The following RANBP2 variants were observed in gnomAD, a reference collection of about 807,000 sequenced individuals.
The protein encoded by RANBP2 is E3 SUMO-protein ligase RanBP2.
RANBP2 carries 57 observed loss-of-function variants against 303.6 expected under a neutral mutation model. The observed-to-expected ratio is 0.19, with a 90% confidence interval of 0.15 to 0.23. The LOEUF is 0.23. RANBP2 is among the 10% of genes least tolerant of loss of function. The pLI is 1.00. For synonymous variants in RANBP2, 1,167 were observed against 1,301.5 expected (o/e 0.90, Z 2.23); for missense variants, 3,138 against 3,780.8 (o/e 0.83, Z 4.46).
the RANBP2 span, among the ~76,000 whole-genome samples, chr2:108,921,712 G>C: frequency 1.3e-5 from 2 of 152,214 alleles, no homozygotes; most frequent in Non-Finnish European, 2.9e-5. Context: ...AGGCCCAGGG[G>C]TGGAGGGCAT....
the RANBP2 span, chr2:108,812,600 A>G: frequency 1.9e-6 from 3 of 1,540,000 alleles, no homozygotes; most frequent in Non-Finnish European, 2.7e-6. Context: ...GAAGGTGTAT[A>G]TTGAAATATC....
chr2:108,743,630 G>A (rs1696289761), intron 7 of RANBP2, among the ~76,000 whole-genome samples: 2 of 152,124 alleles, frequency 1.3e-5, no homozygotes, highest in African/African-American at 2.4e-5. Flanking sequence ...ATTCACTCAG[G>A]TCTCCTTTCC....
chr2:109,647,294 T>A, the RANBP2 span, among the ~76,000 whole-genome samples: 1 of 149,720 alleles, frequency 6.7e-6, no homozygotes, highest in Non-Finnish European at 1.5e-5. Context: ...CTCCTAAATA[T>A]CTGGGACTAC....
At chr2:109,545,653 C>A in the RANBP2 span, 1 of 1,494,504 alleles carries the variant, frequency 6.7e-7, no homozygotes, top group Non-Finnish European at 8.9e-7. Context: ...AATTCCCCAA[C>A]AAAGGGCACA....
At chr2:108,719,895 C>T (rs935036613) in intron 1 of RANBP2, among the ~76,000 whole-genome samples, 1 of 152,198 alleles carries the variant, frequency 6.6e-6, no homozygotes, top group Middle Eastern at 3.2e-3. Flanking sequence ...CCGGCGCTTC[C>T]TCTTTCTCCC....
At chr2:109,075,047 A>G in the RANBP2 span, among the ~76,000 whole-genome samples, 17 of 121,672 alleles carry the variant, frequency 1.4e-4, no homozygotes, top group Non-Finnish European at 2.4e-4. Flanking sequence ...AAAAAAAAAA[A>G]AAGAAGAAGA....
chr2:109,082,283 T>TTTTTA, the RANBP2 span, among the ~76,000 whole-genome samples: 38 of 152,198 alleles, frequency 2.5e-4, no homozygotes, highest in African/African-American at 5.5e-4. Flanking sequence ...TAGCACCCCT[T>TTTTTA]TTTTATTTTA....
chr2:109,561,197 C>G, the RANBP2 span, among the ~76,000 whole-genome samples: 1 of 152,138 alleles, frequency 6.6e-6, no homozygotes. Flanking sequence ...AACTGATCTT[C>G]TTCCGGAGTC....
the RANBP2 span, among the ~76,000 whole-genome samples, chr2:109,430,813 T>A: frequency 1.3e-5 from 2 of 152,222 alleles, no homozygotes; most frequent in South Asian, 4.1e-4. Flanking sequence ...CCAGAGTTGG[T>A]CCTAATTTCA....
intron 24 of RANBP2, among the ~76,000 whole-genome samples, 179 bp from the exon 25 acceptor site, chr2:108,776,951 G>A (rs1236619518): frequency 6.6e-6 from 1 of 152,120 alleles, no homozygotes; most frequent in African/African-American, 2.4e-5. Context: ...AATAGCACCT[G>A]TAAAATTAGT....
chr2:109,409,949 G>A, the RANBP2 span, among the ~76,000 whole-genome samples: 1 of 152,148 alleles, frequency 6.6e-6, no homozygotes, highest in Non-Finnish European at 1.5e-5. Flanking sequence ...TAAATGAGGA[G>A]ATGTTTCTTC....
the RANBP2 span, among the ~76,000 whole-genome samples, chr2:109,303,576 G>A: frequency 1.3e-5 from 2 of 152,238 alleles, no homozygotes; most frequent in Non-Finnish European, 2.9e-5. Flanking sequence ...ACCCGATGAT[G>A]CCCAAGGGAC....
the RANBP2 span, among the ~76,000 whole-genome samples, chr2:109,220,977 A>G: frequency 6.6e-6 from 1 of 152,260 alleles, no homozygotes; most frequent in Non-Finnish European, 1.5e-5. Context: ...ACCAATGTTC[A>G]TAATTGCATT....
chr2:109,063,557 G>A, the RANBP2 span, among the ~76,000 whole-genome samples: 6 of 152,258 alleles, frequency 3.9e-5, no homozygotes, highest in South Asian at 4.1e-4. Flanking sequence ...ACAGGGAACC[G>A]TCCCGGGGTT....
chr2:109,614,384 C>T, the RANBP2 span: 2 of 912,074 alleles, frequency 2.2e-6, no homozygotes, highest in Non-Finnish European at 1.4e-6. Context: ...GCTGGCAGCC[C>T]GCTGAGCCCG....
At chr2:108,729,628 C>CT in intron 2 of RANBP2, among the ~76,000 whole-genome samples, 1 of 151,850 alleles carries the variant, frequency 6.6e-6, no homozygotes, top group East Asian at 1.9e-4. Context: ...ATGTGATGCT[C>CT]TAAGGCTCTA....
chr2:109,046,170 G>A, the RANBP2 span, among the ~76,000 whole-genome samples: 1 of 151,692 alleles, frequency 6.6e-6, no homozygotes, highest in Non-Finnish European at 1.5e-5. Flanking sequence ...CGGGTGTGGT[G>A]GCGGGCGCCT....
At chr2:108,814,549 C>T in the RANBP2 span, among the ~76,000 whole-genome samples, 2 of 151,824 alleles carry the variant, frequency 1.3e-5, no homozygotes, top group South Asian at 4.1e-4. Flanking sequence ...ATCATTTTGT[C>T]TTTAGTCATT....
At chr2:108,748,571 C>G (rs570808741) in intron 8 of RANBP2, among the ~76,000 whole-genome samples, 130 of 152,206 alleles carry the variant, frequency 8.5e-4, no homozygotes, top group Non-Finnish European at 9.0e-4. Context: ...CAGCCAGGTT[C>G]AGAAATCAGT....
Sources: allele counts gnomAD v4.1 joint callset (sites outside exome capture counted in the v4.1 genomes callset), GRCh38; gene constraint gnomAD v4.1.1; transcripts MANE v1.5; gene names NCBI Gene and HGNC (gene_info 2026-07-23, HGNC 2026-07-21).